Variants in TENM2 observed in about 807,000 individuals in gnomAD.
TENM2 encodes the protein teneurin transmembrane protein 2.
A neutral mutation model predicts 245.2 loss-of-function variants in TENM2; 52 were observed. That is an observed-to-expected ratio of 0.21 (90% confidence interval 0.17 to 0.27). TENM2 has a LOEUF of 0.27. Among genes scored for constraint, TENM2 ranks in the 10% least tolerant of loss-of-function variants. The pLI is 1.00. For synonymous variants in TENM2, 1,363 were observed against 1,438.9 expected (o/e 0.95, Z 1.19); for missense variants, 3,046 against 3,666.8 (o/e 0.83, Z 4.37).
chr5:167,971,831 A>T (rs1381998524), intron 4 of TENM2, among the ~76,000 whole-genome samples: 2 of 152,270 alleles, frequency 1.3e-5, no homozygotes, highest in Non-Finnish European at 2.9e-5. Flanking sequence ...AACCAAGTTA[A>T]GATCACCTAG....
intron 7 of TENM2, among the ~76,000 whole-genome samples, chr5:168,077,231 C>G (rs1312007587): frequency 2.0e-5 from 3 of 152,144 alleles, no homozygotes; most frequent in Admixed American, 1.3e-4. Flanking sequence ...TTCCAAAAGG[C>G]ATTTCCTGAA....
chr5:167,153,838 T>C, the TENM2 span, among the ~76,000 whole-genome samples: 1 of 152,206 alleles, frequency 6.6e-6, no homozygotes, highest in African/African-American at 2.4e-5. Flanking sequence ...TTTGTCACAA[T>C]TAATGTAATT....
intron 2 of TENM2, among the ~76,000 whole-genome samples, chr5:167,521,475 A>G (rs1256603612): frequency 6.6e-6 from 1 of 152,192 alleles, no homozygotes; most frequent in Non-Finnish European, 1.5e-5. Flanking sequence ...TTTACCCAGG[A>G]ACACTGCAGA....
chr5:168,014,058 T>A (rs961349389), intron 5 of TENM2, among the ~76,000 whole-genome samples: 4 of 152,190 alleles, frequency 2.6e-5, no homozygotes, highest in African/African-American at 9.6e-5. Flanking sequence ...CTTAACTTGA[T>A]TATCTGCAAA....
intron 13 of TENM2, among the ~76,000 whole-genome samples, chr5:168,174,403 A>G (rs1020307845): frequency 7.2e-5 from 11 of 152,116 alleles, no homozygotes; most frequent in Non-Finnish European, 1.6e-4. Flanking sequence ...ACCTCATAGG[A>G]TACTGTGAGG....
At chr5:167,938,213 G>A (rs1364997222) in intron 3 of TENM2, 1 of 152,162 alleles carries the variant, frequency 6.6e-6, no homozygotes, top group Non-Finnish European at 1.5e-5. Context: ...TGCTCTGTGT[G>A]CCATGATGCA....
At chr5:167,534,921 G>A (rs1562034646) in intron 2 of TENM2, among the ~76,000 whole-genome samples, 1 of 152,246 alleles carries the variant, frequency 6.6e-6, no homozygotes, top group Non-Finnish European at 1.5e-5. Flanking sequence ...TCCTTAACAT[G>A]ATTCCTTCTT....
At chr5:168,076,460 G>A (rs369748952) in intron 7 of TENM2, among the ~76,000 whole-genome samples, 3 of 151,874 alleles carry the variant, frequency 2.0e-5, no homozygotes, top group South Asian at 2.1e-4. Context: ...TCCTGACCTC[G>A]TAATCCACCC....
the TENM2 span, among the ~76,000 whole-genome samples, chr5:167,067,348 A>T: frequency 2.6e-5 from 4 of 152,138 alleles, no homozygotes; most frequent in Non-Finnish European, 5.9e-5. Flanking sequence ...GCTTTGTCAC[A>T]GATCCTGCAT....
At chr5:168,231,441 G>A (rs1764888945) in intron 25 of TENM2, among the ~76,000 whole-genome samples, 1 of 152,238 alleles carries the variant, frequency 6.6e-6, no homozygotes, top group African/African-American at 2.4e-5. Context: ...AACTAATTCA[G>A]TGTGGCAGTG....
chr5:167,549,615 AAAC>A (rs2127618926), intron 2 of TENM2, among the ~76,000 whole-genome samples: 2 of 152,330 alleles, frequency 1.3e-5, no homozygotes, highest in African/African-American at 4.8e-5. Flanking sequence ...TTTTGTTTTC[AAAC>A]AACATCTCAA....
At chr5:168,065,056 C>T (rs1790379036) in intron 7 of TENM2, among the ~76,000 whole-genome samples, 2 of 152,092 alleles carry the variant, frequency 1.3e-5, no homozygotes, top group South Asian at 2.1e-4. Flanking sequence ...TATCAAGGAA[C>T]ATAAGTTCTA....
At chr5:167,562,862 C>T (rs1362933933) in intron 2 of TENM2, among the ~76,000 whole-genome samples, 2 of 150,450 alleles carry the variant, frequency 1.3e-5, no homozygotes, top group African/African-American at 2.4e-5. Context: ...GAGGCTGAGG[C>T]AGGAGAATCG....
intron 3 of TENM2, among the ~76,000 whole-genome samples, chr5:167,941,348 T>TA (rs1405310492): frequency 1.3e-5 from 2 of 152,208 alleles, no homozygotes; most frequent in Non-Finnish European, 2.9e-5. Flanking sequence ...CAAAAGCTGC[T>TA]ATAAGGCACT....
At chr5:167,908,105 T>C (rs990655020) in intron 3 of TENM2, among the ~76,000 whole-genome samples, 8 of 152,126 alleles carry the variant, frequency 5.3e-5, no homozygotes, top group Non-Finnish European at 1.0e-4. Flanking sequence ...GCATTCCTTC[T>C]GATTGCAGAT....
At chr5:168,229,898 C>T (rs1181078523) in intron 25 of TENM2, 1 of 152,190 alleles carries the variant, frequency 6.6e-6, no homozygotes, top group Non-Finnish European at 1.5e-5. Context: ...TAGTTAAATC[C>T]TTAATGACTG....
At chr5:167,222,688 T>C in the TENM2 span, among the ~76,000 whole-genome samples, 1 of 152,192 alleles carries the variant, frequency 6.6e-6, no homozygotes, top group African/African-American at 2.4e-5. Context: ...ATTTATAGTC[T>C]ACCTTAAGCT....
intron 23 of TENM2, among the ~76,000 whole-genome samples, chr5:168,225,697 G>A (rs978550091): frequency 1.3e-5 from 2 of 151,014 alleles, no homozygotes; most frequent in Admixed American, 1.3e-4. Context: ...GGAGGTGGAG[G>A]TTGCAGTGAG....
the TENM2 span, among the ~76,000 whole-genome samples, chr5:167,123,415 T>C: frequency 6.6e-6 from 1 of 152,330 alleles, no homozygotes; most frequent in South Asian, 2.1e-4. Flanking sequence ...TTGAGTCTTT[T>C]GTTTGCTACC....
Sources: allele counts gnomAD v4.1 joint callset (sites outside exome capture counted in the v4.1 genomes callset), GRCh38; gene constraint gnomAD v4.1.1; transcripts MANE v1.5; gene names NCBI Gene and HGNC (gene_info 2026-07-23, HGNC 2026-07-21).